Variants in PTPN3 observed in about 807,000 individuals in gnomAD.
PTPN3 encodes the protein tyrosine-protein phosphatase non-receptor type 3.
Under a neutral mutation model 132.7 loss-of-function variants are expected in PTPN3, and 96 were observed. The ratio of observed to expected loss-of-function variants is 0.72; its 90% confidence interval spans 0.61 to 0.86. PTPN3 has a LOEUF of 0.86. Ranked by LOEUF, PTPN3 falls within the 40% of genes least tolerant of loss-of-function variation. PTPN3 has a pLI of 0.00. For synonymous variants in PTPN3, 398 were observed against 429.0 expected, an observed-to-expected ratio of 0.93 and a Z score of 0.89; for missense variants, 1,125 against 1,159.6, an observed-to-expected ratio of 0.97 and a Z score of 0.43.
At chr9:109,383,630 G>C in intron 22 of PTPN3, 79 bp from the exon 23 acceptor site, 3 of 1,552,856 alleles carry the variant, frequency 1.9e-6, no homozygotes, top group Non-Finnish European at 1.7e-6. Context: ...CAGGTGGACG[G>C]GTTAGGCATC....
At chr9:109,450,325 C>G (rs1014050023) in intron 5 of PTPN3, 1 of 985,302 alleles carries the variant, frequency 1.0e-6, no homozygotes. Flanking sequence ...TTTATCCAAG[C>G]TGACATTCAA....
At chr9:109,493,404 T>C (rs1847544572) in intron 1 of PTPN3, among the ~76,000 whole-genome samples, 1 of 137,528 alleles carries the variant, frequency 7.3e-6, no homozygotes, top group African/African-American at 2.6e-5. Context: ...GAGGCTAAAA[T>C]GCACTGTTTG....
intron 13 of PTPN3, among the ~76,000 whole-genome samples, chr9:109,422,279 C>A (rs900149460): frequency 6.6e-5 from 10 of 152,210 alleles, no homozygotes; most frequent in Non-Finnish European, 2.9e-5. Context: ...GCATTTGCTT[C>A]TGCTGCTGAA....
At chr9:109,415,543 T>C (rs955675421) in intron 14 of PTPN3, among the ~76,000 whole-genome samples, 6 of 152,212 alleles carry the variant, frequency 3.9e-5, no homozygotes, top group Non-Finnish European at 1.5e-5. Context: ...TTCAGAATGA[T>C]AAATTTGCTA....
chr9:109,395,425 TAAC>T (rs1321238166), intron 19 of PTPN3, among the ~76,000 whole-genome samples: 1 of 152,228 alleles, frequency 6.6e-6, no homozygotes, highest in African/African-American at 2.4e-5. Flanking sequence ...CTGCAAAGGC[TAAC>T]ACTGAATAGG....
intron 1 of PTPN3, among the ~76,000 whole-genome samples, chr9:109,467,675 G>C (rs1330347472): frequency 6.6e-6 from 1 of 152,202 alleles, no homozygotes; most frequent in African/African-American, 2.4e-5. Context: ...GCCTCCAAAT[G>C]AAAGTCACAT....
chr9:109,406,048 C>T (rs559435128), intron 18 of PTPN3, among the ~76,000 whole-genome samples: 4 of 152,336 alleles, frequency 2.6e-5, no homozygotes, highest in Admixed American at 2.6e-4. Flanking sequence ...TCAGACCCTG[C>T]TCTCCTCACT....
intron 5 of PTPN3, chr9:109,451,174 A>C: frequency 1.0e-6 from 1 of 959,666 alleles, no homozygotes; most frequent in South Asian, 4.8e-5. Context: ...GGATCCTTTG[A>C]GTCCAGGAGT....
intron 19 of PTPN3, among the ~76,000 whole-genome samples, chr9:109,399,253 C>T (rs970385589): frequency 2.6e-5 from 4 of 152,160 alleles, no homozygotes; most frequent in African/African-American, 4.8e-5. Flanking sequence ...CCTCAACCTC[C>T]GAGGCTAGAG....
At chr9:109,457,656 A>C (rs1845632624) in intron 2 of PTPN3, among the ~76,000 whole-genome samples, 1 of 152,188 alleles carries the variant, frequency 6.6e-6, no homozygotes, top group African/African-American at 2.4e-5. Context: ...CTTAGCTGCA[A>C]TTCCCAAGTG....
At chr9:109,438,599 G>A (rs2131939352) in intron 7 of PTPN3, among the ~76,000 whole-genome samples, 1 of 152,278 alleles carries the variant, frequency 6.6e-6, no homozygotes, top group South Asian at 2.1e-4. Flanking sequence ...GAACCCACTG[G>A]GGGAAATGCC....
chr9:109,376,107 T>C lies in PTPN3; in HGVS notation c.*3449A>G, dbSNP rs1034104919. ...TGTCTCTGTAGCAGCCATAAAGCTT[T>C]GGTTTAGGATTAATTTTGATTCTCT... On this transcript the variant is annotated 3_prime_UTR_variant, in exon 26 of 26. Coordinates refer to ENST00000374541, the MANE Select transcript of PTPN3 (RefSeq NM_002829.4). The C allele has an allele frequency of 9.9e-5, 15 of 152,208 alleles. No homozygotes were observed. Among genetic ancestry groups the C allele is most frequent in the African/African-American group, 3.4e-4 (14 of 41,452 alleles). The allele number at this position is 152,208 out of a possible 1,614,324, so 9.4% of individuals were successfully genotyped here. A position where few individuals can be genotyped will look rare whatever the true frequency, so the allele number is the denominator to read the frequency against.
Position 109,457,168 on chromosome 9 carries a change from C to A in PTPN3, c.289+5G>T, listed in dbSNP as rs1363734189. On this transcript the variant is annotated splice_donor_5th_base_variant and intron_variant, in intron 4 of 25. Transcript: ENST00000374541. ...GTTCGACTGAAATGAAAAGATCACACCAACCTTTTAACTGCTTCCTGATGG... is the reference window on the plus strand; with the variant it reads ...GTTCGACTGAAATGAAAAGATCACAACAACCTTTTAACTGCTTCCTGATGG... The A allele has an allele frequency of 5.6e-6, 9 of 1,613,288 alleles. No individual in the cohort carries two copies. Among genetic ancestry groups the A allele is most frequent in the Non-Finnish European group, 6.8e-6 (8 of 1,179,218 alleles).
the PTPN3 span, among the ~76,000 whole-genome samples, chr9:109,522,850 T>G: frequency 4.6e-5 from 7 of 152,170 alleles, no homozygotes; most frequent in Non-Finnish European, 1.0e-4. Context: ...ACCATTCAAC[T>G]TTAATTATAA....
At chr9:109,500,814 C>CTACATGG (rs369720696), upstream of PTPN3, among the ~76,000 whole-genome samples, 429 of 151,288 alleles carry the variant, frequency 2.8e-3, 2 homozygotes, top group African/African-American at 9.8e-3. Context: ...GTGGCCTCAG[C>CTACATGG]TACATGGGAG....
the PTPN3 span, among the ~76,000 whole-genome samples, chr9:109,516,450 C>T: frequency 6.6e-6 from 1 of 152,076 alleles, no homozygotes; most frequent in Non-Finnish European, 1.5e-5. Flanking sequence ...AGTTGACCAG[C>T]TACAGAAAGG....
intron 7 of PTPN3, among the ~76,000 whole-genome samples, chr9:109,443,274 A>G (rs2131964432): frequency 6.6e-6 from 1 of 152,074 alleles, no homozygotes; most frequent in Admixed American, 6.5e-5. Flanking sequence ...ATGGGGCTTC[A>G]TAGTGTTGCC....
rs1270790665 is a variant in PTPN3 at position 109,391,483 on chromosome 9, C to T, written c.2032G>A (p.Asp678Asn). The T allele has an allele frequency of 6.2e-7, 1 of 1,613,246 alleles. No individual in the cohort carries two copies. Among genetic ancestry groups the T allele is most frequent in the Admixed American group, 1.7e-5 (1 of 59,958 alleles). Reference protein sequence around the residue: ...PQNLDKNRYKDVLPYDTTRVL... With the variant: ...PQNLDKNRYKNVLPYDTTRVL... ...GCCGGATACTCACAAGGCAGCACAT[C>T]TTTATATCGGTTTTTGTCCAAATTT... Residue 678 changes from aspartate to asparagine, a missense_variant, in exon 20 of 26, where the codon GAT becomes AAT. Transcript: ENST00000374541.
chr9:109,399,274 G>A (rs920476169), intron 19 of PTPN3, among the ~76,000 whole-genome samples: 11 of 152,200 alleles, frequency 7.2e-5, no homozygotes, highest in Admixed American at 4.6e-4. Flanking sequence ...CAATCGTCCC[G>A]CCTCAGCCTC....
Sources: allele counts gnomAD v4.1 joint callset (sites outside exome capture counted in the v4.1 genomes callset), GRCh38; gene constraint gnomAD v4.1.1; transcripts MANE v1.5; gene names NCBI Gene and HGNC (gene_info 2026-07-23, HGNC 2026-07-21).